ETS1: variants seen among roughly 807,000 people sequenced by gnomAD.
ETS1 encodes the protein ETS proto-oncogene 1, transcription factor.
A neutral mutation model predicts 58.6 loss-of-function variants in ETS1; 15 were observed. The observed-to-expected ratio is 0.26, with a 90% confidence interval of 0.17 to 0.39. ETS1 has a LOEUF of 0.39. Ranked by LOEUF, ETS1 falls within the 10% of genes least tolerant of loss-of-function variation. The pLI, the probability that ETS1 is intolerant of heterozygous loss-of-function variation, is 1.00. For missense variants in ETS1, 417 were observed against 610.5 expected (o/e 0.68, Z 3.34); for synonymous variants, 214 against 218.2 (o/e 0.98, Z 0.17).
intron 3 of ETS1, among the ~76,000 whole-genome samples, chr11:128,524,969 T>TG (rs1565397044): frequency 6.6e-6 from 1 of 152,102 alleles, no homozygotes; most frequent in Non-Finnish European, 1.5e-5. Flanking sequence ...AGCCAAGCGT[T>TG]GCCTTTCATC....
chr11:128,472,677 C>T (rs1036775477), intron 8 of ETS1, among the ~76,000 whole-genome samples: 26 of 152,282 alleles, frequency 1.7e-4, no homozygotes, highest in African/African-American at 6.0e-4. Context: ...TGCAGGTCCA[C>T]CCCTGTGAGA....
rs140585962 is a variant in ETS1, at chr11:128,497,486, C to G, written c.215-6910G>C. 10 of 501,878 alleles carry G rather than the reference C, an allele frequency of 2.0e-5. No homozygotes were observed. The East Asian group carries it at 1.5e-3, about 76-fold the overall frequency. 31.1% of individuals were successfully genotyped at this position (501,878 alleles called of 1,614,324 possible). A position where few individuals can be genotyped will look rare whatever the true frequency, so the allele number is the denominator to read the frequency against. On this transcript the variant is annotated intron_variant, in intron 3 of 9. Transcript: ENST00000392668. Reference sequence around the variant, plus strand: ...AGGAAGTGACCTCAGACTTCTCCCTCTTCCCTTCATCCACCTCCTGCCCCA... The same window carrying G: ...AGGAAGTGACCTCAGACTTCTCCCTGTTCCCTTCATCCACCTCCTGCCCCA...
In ETS1 at chr11:128,495,120, C is replaced by A. The variant is rs1862904116; in HGVS notation, c.215-4544G>T. On this transcript the variant is annotated intron_variant, in intron 3 of 9. Transcript: ENST00000392668. ...GGGCCTGGAAAGGTATCACAAGGTC[C>A]CCATTTCACAGATGAGGAAATCAAG... is the stretch of plus-strand genomic sequence containing the variant. Among the ~76,000 whole-genome samples, 4 of 152,082 alleles carry A rather than the reference C, an allele frequency of 2.6e-5. No individual in the cohort carries two copies. In the South Asian group the frequency reaches 8.3e-4, roughly 32 times the overall value.
intron 4 of ETS1, among the ~76,000 whole-genome samples, chr11:128,490,021 T>C (rs1862752757): frequency 2.6e-5 from 4 of 152,264 alleles, no homozygotes; most frequent in Non-Finnish European, 5.9e-5. Flanking sequence ...GGTGCCTGTA[T>C]TATACCAGAT....
At chr11:128,498,003 A>T (rs1303167567) in intron 3 of ETS1, among the ~76,000 whole-genome samples, 1 of 151,870 alleles carries the variant, frequency 6.6e-6, no homozygotes, top group East Asian at 1.9e-4. Flanking sequence ...TACATGAATG[A>T]ATGTGTCCTG....
chr11:128,465,569 G>A (rs1309122512), intron 8 of ETS1, among the ~76,000 whole-genome samples: 1 of 152,160 alleles, frequency 6.6e-6, no homozygotes, highest in African/African-American at 2.4e-5. Context: ...CTCAAGAAAT[G>A]CAGCTGCCAG....
intron 3 of ETS1, among the ~76,000 whole-genome samples, chr11:128,512,967 G>T (rs1221418913): frequency 3.3e-5 from 5 of 152,262 alleles, no homozygotes; most frequent in African/African-American, 4.8e-5. Context: ...ACCTGCACTG[G>T]AGCTGCCTTC....
intron 3 of ETS1, among the ~76,000 whole-genome samples, chr11:128,507,168 C>T: frequency 6.6e-6 from 1 of 152,120 alleles, no homozygotes; most frequent in East Asian, 1.9e-4. Flanking sequence ...ATTTTGGCCC[C>T]TGGAATGCCC....
chr11:128,480,497 G>A (rs776137395), intron 7 of ETS1, 46 bp from the exon 8 acceptor site: 3 of 1,375,986 alleles, frequency 2.2e-6, no homozygotes, highest in East Asian at 2.3e-5. Context: ...GGAGGAGGGA[G>A]TGGGAAAAAA....
chr11:128,499,716 G>A (rs1357760141), intron 3 of ETS1, among the ~76,000 whole-genome samples: 2 of 152,136 alleles, frequency 1.3e-5, no homozygotes, highest in African/African-American at 2.4e-5. Flanking sequence ...ACTCTCTACC[G>A]ACAGCAGGCT....
At chr11:128,503,841 C>T (rs10893882) in intron 3 of ETS1, among the ~76,000 whole-genome samples, 31,756 of 152,038 alleles carry the variant, frequency 0.21, 3,723 homozygotes, top group Admixed American at 0.32. Context: ...AGAGAAGATG[C>T]AGAAATCCCC....
At chr11:128,506,546 G>T (rs532756957) in intron 3 of ETS1, among the ~76,000 whole-genome samples, 3 of 152,174 alleles carry the variant, frequency 2.0e-5, no homozygotes, top group African/African-American at 7.2e-5. Flanking sequence ...AGGGGAGGGG[G>T]TAGGAAGGAG....
intron 3 of ETS1, among the ~76,000 whole-genome samples, chr11:128,531,797 C>A (rs1054564700): frequency 6.6e-6 from 1 of 152,116 alleles, no homozygotes; most frequent in Non-Finnish European, 1.5e-5. Context: ...AAAATAAGAC[C>A]TTCTTAAGCA....
chr11:128,585,394 T>C (rs1865014499), intron 1 of ETS1, among the ~76,000 whole-genome samples: 1 of 151,918 alleles, frequency 6.6e-6, no homozygotes. Context: ...AATCATTCCC[T>C]TCTGCTGTTT....
At chr11:128,571,200 G>A (rs1037694673) in intron 2 of ETS1, among the ~76,000 whole-genome samples, 10 of 151,554 alleles carry the variant, frequency 6.6e-5, no homozygotes, top group Non-Finnish European at 1.3e-4. Flanking sequence ...AGGCCGAGGC[G>A]GGCGGATCAC....
At chr11:128,547,273 G>A (rs1043161251) in intron 3 of ETS1, among the ~76,000 whole-genome samples, 21 of 152,174 alleles carry the variant, frequency 1.4e-4, no homozygotes, top group Admixed American at 2.0e-4. Context: ...CTTTCCCTTG[G>A]AACAGTAGTT....
chr11:128,579,131 T>C (rs1209756790), intron 1 of ETS1, among the ~76,000 whole-genome samples: 1 of 152,142 alleles, frequency 6.6e-6, no homozygotes, highest in East Asian at 1.9e-4. Flanking sequence ...TGAATTATGG[T>C]TAAAACATAT....
In ETS1 at chr11:128,461,698, A is replaced by C. The variant is rs1352114042; in HGVS notation, c.*663T>G. On this transcript the variant is annotated 3_prime_UTR_variant, in exon 10 of 10. Transcript: ENST00000392668. Reference sequence around the variant, plus strand: ...ACAGAATCCTCAGCCGGCAAATAAAAACAAACTTACATGATATTGCAATAC... The same window carrying C: ...ACAGAATCCTCAGCCGGCAAATAAACACAAACTTACATGATATTGCAATAC... The C allele has an allele frequency of 1.3e-5, 2 of 152,776 alleles. No homozygotes were observed. Among genetic ancestry groups the C allele is most frequent in the East Asian group, 1.9e-4 (1 of 5,338 alleles). The allele number at this position is 152,776 out of a possible 1,614,324, so 9.5% of individuals were successfully genotyped here.
chr11:128,483,974 T>C (rs978323078), intron 7 of ETS1, among the ~76,000 whole-genome samples: 2 of 152,240 alleles, frequency 1.3e-5, no homozygotes, highest in Non-Finnish European at 2.9e-5. Context: ...TCTTGCTAAA[T>C]AGACAAACCC....
Sources: allele counts gnomAD v4.1 joint callset (sites outside exome capture counted in the v4.1 genomes callset), GRCh38; gene constraint gnomAD v4.1.1; transcripts MANE v1.5; gene names NCBI Gene and HGNC (gene_info 2026-07-23, HGNC 2026-07-21).